ERBB4: variants seen among roughly 807,000 people sequenced by gnomAD.
ERBB4 encodes the protein receptor tyrosine-protein kinase erbB-4.
In ERBB4, 42 loss-of-function variants were observed where a neutral mutation model predicts 158.0. The observed-to-expected ratio is 0.27, with a 90% CI of 0.21 to 0.34. ERBB4 has a LOEUF of 0.34. Ranked by LOEUF, ERBB4 falls within the 10% of genes least tolerant of loss-of-function variation. ERBB4 has a pLI of 1.00. For missense variants in ERBB4, 1,333 were observed against 1,624.1 expected (o/e 0.82, Z 3.08); for synonymous variants, 583 against 558.7 (o/e 1.04, Z -0.61).
intron 2 of ERBB4, among the ~76,000 whole-genome samples, chr2:212,038,768 T>C (rs2077072673): frequency 6.6e-6 from 1 of 152,100 alleles, no homozygotes; most frequent in Non-Finnish European, 1.5e-5. Flanking sequence ...ACTAAGATAA[T>C]AAAATAAGAG....
intron 13 of ERBB4, among the ~76,000 whole-genome samples, chr2:211,674,710 T>G (rs963254522): frequency 2.0e-5 from 3 of 152,104 alleles, no homozygotes; most frequent in Non-Finnish European, 4.4e-5. Context: ...TGAATTGGTA[T>G]GGGAGGGTAG....
chr2:212,068,164 T>C (rs775007554), intron 2 of ERBB4, among the ~76,000 whole-genome samples: 5 of 152,184 alleles, frequency 3.3e-5, no homozygotes, highest in Non-Finnish European at 7.4e-5. Context: ...AAGTTTTCAA[T>C]GTTTGTATGC....
intron 3 of ERBB4, among the ~76,000 whole-genome samples, chr2:211,811,210 T>C (rs2076748106): frequency 6.6e-6 from 1 of 152,198 alleles, no homozygotes; most frequent in Non-Finnish European, 1.5e-5. Flanking sequence ...ACAGGCCTGG[T>C]GGTGACAAAA....
At chr2:211,715,311 A>T (rs1341274049) in intron 7 of ERBB4, among the ~76,000 whole-genome samples, 1 of 152,176 alleles carries the variant, frequency 6.6e-6, no homozygotes, top group East Asian at 1.9e-4. Flanking sequence ...ATCCACCACA[A>T]CAAAGAGTCA....
chr2:212,370,812 C>G (rs1022312674), intron 1 of ERBB4, among the ~76,000 whole-genome samples: 18 of 152,092 alleles, frequency 1.2e-4, no homozygotes, highest in African/African-American at 4.3e-4. Flanking sequence ...ATGTCAATAG[C>G]AATAAATGAT....
At chr2:212,385,389 A>G (rs1367801869) in intron 1 of ERBB4, among the ~76,000 whole-genome samples, 2 of 151,830 alleles carry the variant, frequency 1.3e-5, no homozygotes, top group South Asian at 2.1e-4. Flanking sequence ...CTCCTCACTC[A>G]TCGACAAACC....
intron 5 of ERBB4, among the ~76,000 whole-genome samples, chr2:211,731,547 T>C (rs978350571): frequency 6.6e-6 from 1 of 152,138 alleles, no homozygotes; most frequent in Non-Finnish European, 1.5e-5. Flanking sequence ...TGTTTATTTG[T>C]CAGTATTTTA....
At chr2:211,574,893 C>G (rs938238872) in intron 19 of ERBB4, among the ~76,000 whole-genome samples, 1 of 152,168 alleles carries the variant, frequency 6.6e-6, no homozygotes, top group African/African-American at 2.4e-5. Context: ...TTAAAGAATT[C>G]TACCAGAGCT....
At chr2:211,887,679 T>C (rs1433956706) in intron 3 of ERBB4, among the ~76,000 whole-genome samples, 2 of 152,218 alleles carry the variant, frequency 1.3e-5, no homozygotes, top group Admixed American at 1.3e-4. Flanking sequence ...CTTCATAATA[T>C]TCCTCCAGTG....
chr2:212,424,500 CA>C (rs528171924), intron 1 of ERBB4, among the ~76,000 whole-genome samples: 76 of 152,180 alleles, frequency 5.0e-4, no homozygotes, highest in African/African-American at 1.7e-3. Context: ...TATAAGAGAA[CA>C]ACTTTTCAAG....
chr2:211,713,213 C>G (rs531260445), intron 8 of ERBB4, among the ~76,000 whole-genome samples: 1 of 152,198 alleles, frequency 6.6e-6, no homozygotes, highest in East Asian at 1.9e-4. Flanking sequence ...GTGATGCCAA[C>G]ATAACCGTGT....
At chr2:211,792,592 C>T (rs2076299831) in intron 3 of ERBB4, among the ~76,000 whole-genome samples, 1 of 151,760 alleles carries the variant, frequency 6.6e-6, no homozygotes, top group African/African-American at 2.4e-5. Context: ...CCCATACAGA[C>T]CAAATTTCTC....
chr2:212,240,056 G>T (rs149491065), intron 1 of ERBB4, among the ~76,000 whole-genome samples: 3 of 152,148 alleles, frequency 2.0e-5, no homozygotes, highest in Admixed American at 6.5e-5. Flanking sequence ...GAGTCATTCT[G>T]AGGTGCTTAT....
intron 1 of ERBB4, among the ~76,000 whole-genome samples, chr2:212,485,835 G>A (rs1293739053): frequency 1.3e-5 from 2 of 152,080 alleles, no homozygotes; most frequent in African/African-American, 4.8e-5. Flanking sequence ...CTCACATGCT[G>A]AAAGGTGCAA....
intron 1 of ERBB4, among the ~76,000 whole-genome samples, chr2:212,342,303 C>T (rs1226774017): frequency 6.6e-6 from 1 of 152,060 alleles, no homozygotes; most frequent in Non-Finnish European, 1.5e-5. Flanking sequence ...ATGGGAGGGA[C>T]CTGGTGGGAG....
intron 1 of ERBB4, among the ~76,000 whole-genome samples, chr2:212,330,577 C>T (rs1467136337): frequency 1.3e-5 from 2 of 151,990 alleles, no homozygotes; most frequent in South Asian, 2.1e-4. Context: ...CACACCACTG[C>T]ACTCCAGCCT....
rs2072068910 is a variant in ERBB4, at chr2:211,676,324, TTAAAAAC to T, written c.1622+2721_1622+2727del. 5.9e-5 allele frequency among the ~76,000 whole-genome samples: 9 copies of T among 152,160 alleles called. No homozygotes were observed. In the South Asian group the frequency reaches 1.9e-3, roughly 32 times the overall value. ...GGTGCCATAATTACTGCAAAATACATTAAAAACTAAGTTAATTTAACAGATTTGATTT... is the reference window on the plus strand; with the variant it reads ...GGTGCCATAATTACTGCAAAATACATTAAGTTAATTTAACAGATTTGATTT... On this transcript the variant is annotated intron_variant, in intron 13 of 27. Transcript: ENST00000342788.
chr2:211,442,336 G>T (rs1325388857), intron 20 of ERBB4, among the ~76,000 whole-genome samples: 1 of 151,956 alleles, frequency 6.6e-6, no homozygotes, highest in Non-Finnish European at 1.5e-5. Flanking sequence ...AATAGATTGG[G>T]TCACTCTACA....
At chr2:211,562,559 A>G (rs1443650601) in intron 19 of ERBB4, among the ~76,000 whole-genome samples, 1 of 152,182 alleles carries the variant, frequency 6.6e-6, no homozygotes, top group African/African-American at 2.4e-5. Flanking sequence ...CAACGGTGTC[A>G]TGTATAAATC....
Sources: gnomAD v4.1 joint callset for allele counts (sites outside exome capture counted in the v4.1 genomes callset) on GRCh38, gnomAD v4.1.1 for gene constraint, MANE v1.5 for transcripts, NCBI Gene and HGNC (gene_info 2026-07-23, HGNC 2026-07-21) for gene names.